Variants in GPRIN3 observed in about 807,000 individuals in gnomAD.
The protein encoded by GPRIN3 is G protein-regulated inducer of neurite outgrowth 3.
GPRIN3 carries 12 observed loss-of-function variants against 13.7 expected under a neutral mutation model. The ratio of observed to expected loss-of-function variants is 0.87; its 90% CI spans 0.56 to 1.42. The LOEUF is 1.42. GPRIN3 is among the 40% of genes most tolerant of loss of function. The pLI, the probability that GPRIN3 is intolerant of heterozygous loss-of-function variation, is 0.00. For synonymous variants in GPRIN3, 377 were observed against 372.7 expected (o/e 1.01, Z -0.13); for missense variants, 1,009 against 958.7 (o/e 1.05, Z -0.69).
intron 1 of GPRIN3, among the ~76,000 whole-genome samples, chr4:89,256,724 A>G (rs541486481): frequency 6.6e-6 from 1 of 152,358 alleles, no homozygotes; most frequent in South Asian, 2.1e-4. Flanking sequence ...GACCTCAGTG[A>G]GCACCTTTCT....
At chr4:89,292,840 C>A (rs1003553468) in intron 1 of GPRIN3, among the ~76,000 whole-genome samples, 2 of 152,124 alleles carry the variant, frequency 1.3e-5, no homozygotes, top group Non-Finnish European at 2.9e-5. Context: ...TTATATAAAC[C>A]TTCTGTAGCA....
chr4:89,255,239 C>T (rs904491905), intron 1 of GPRIN3, among the ~76,000 whole-genome samples: 4 of 152,078 alleles, frequency 2.6e-5, no homozygotes, highest in Admixed American at 2.0e-4. Context: ...AGTAACTCAA[C>T]CTCTCAGGGC....
chr4:89,305,227 C>CTCTGCTTATTTG (rs1725004200), intron 1 of GPRIN3, among the ~76,000 whole-genome samples: 1 of 152,052 alleles, frequency 6.6e-6, no homozygotes, highest in South Asian at 2.1e-4. Context: ...TTTTGGTCCC[C>CTCTGCTTATTTG]GTGCCAGGAA....
At position 89,246,447 on chromosome 4, in the gene GPRIN3, C is replaced by T. The variant is rs1490421138; in HGVS notation, c.*1333G>A. ...CCAGGCCAGTGCCTTGGAGGATACT[C>T]ATGTGTCTCGGGACACACGTCTCTT... On this transcript the variant is annotated 3_prime_UTR_variant, in exon 2 of 2. Transcript: ENST00000609438. 2.0e-5 allele frequency: 3 copies of T among 152,292 alleles called. No homozygotes were observed. In the East Asian group the frequency reaches 5.8e-4, roughly 29 times the overall value. The allele number at this position is 152,292 out of a possible 1,614,324, so 9.4% of individuals were successfully genotyped here.
intron 1 of GPRIN3, among the ~76,000 whole-genome samples, chr4:89,287,620 CTTGGGATACTCA>C (rs1339216554): frequency 7.9e-5 from 12 of 152,056 alleles, no homozygotes; most frequent in Non-Finnish European, 1.6e-4. Context: ...TGGGCTGGGG[CTTGGGATACTCA>C]TTGGGAAATT....
intron 1 of GPRIN3, among the ~76,000 whole-genome samples, chr4:89,258,949 G>A (rs1372741838): frequency 2.0e-5 from 3 of 152,192 alleles, no homozygotes; most frequent in African/African-American, 4.8e-5. Flanking sequence ...CACTTAGCAT[G>A]CTGCTTAGAA....
intron 1 of GPRIN3, among the ~76,000 whole-genome samples, chr4:89,266,926 T>G (rs1723796957): frequency 6.6e-6 from 1 of 152,248 alleles, no homozygotes; most frequent in African/African-American, 2.4e-5. Context: ...ATTTTTGATA[T>G]ATCAATTAAT....
chr4:89,294,474 C>T (rs769595203), intron 1 of GPRIN3, among the ~76,000 whole-genome samples: 4 of 152,270 alleles, frequency 2.6e-5, no homozygotes, highest in South Asian at 2.1e-4. Context: ...TGAAGCACTT[C>T]GACCTTTTTA....
chr4:89,277,237 C>T (rs1450880708), intron 1 of GPRIN3, among the ~76,000 whole-genome samples: 1 of 152,098 alleles, frequency 6.6e-6, no homozygotes, highest in Non-Finnish European at 1.5e-5. Context: ...ACCATAGTGG[C>T]CAGTATTCCC....
chr4:89,247,628 C>T lies in GPRIN3; in HGVS notation c.*152G>A. ...CATTTTTGTTTATAGAGCTCCAGGT[C>T]AAAGGATCTAACAATTTTTAATAGC... is the stretch of plus-strand genomic sequence containing the variant. On this transcript the variant is annotated 3_prime_UTR_variant, in exon 2 of 2. Transcript: ENST00000609438. 1.5e-6 allele frequency: 1 copy of T among 658,706 alleles called. No homozygotes were observed. Among genetic ancestry groups the T allele is most frequent in the Non-Finnish European group, 2.5e-6 (1 of 406,012 alleles). 40.8% of individuals were successfully genotyped at this position (658,706 alleles called of 1,614,324 possible).
chr4:89,278,413 T>C (rs1002524233), intron 1 of GPRIN3, among the ~76,000 whole-genome samples: 1 of 152,186 alleles, frequency 6.6e-6, no homozygotes, highest in African/African-American at 2.4e-5. Context: ...ATATTTAAAT[T>C]CTCCTTCTTT....
chr4:89,254,449 C>A (rs1723414405), intron 1 of GPRIN3, among the ~76,000 whole-genome samples: 1 of 152,102 alleles, frequency 6.6e-6, no homozygotes, highest in African/African-American at 2.4e-5. Context: ...GGGTTCTCAT[C>A]ATTTAGCTCC....
Position 89,245,472 on chromosome 4 carries a change from A to G in GPRIN3, c.*2308T>C, listed in dbSNP as rs940276397. 8 of 152,238 alleles carry G rather than the reference A, an allele frequency of 5.3e-5. No individual in the cohort carries two copies. The highest frequency in any genetic ancestry group is 1.7e-4 in the African/African-American group (7 of 41,458). The allele number at this position is 152,238 out of a possible 1,614,324, so 9.4% of individuals were successfully genotyped here. A position where few individuals can be genotyped will look rare whatever the true frequency, so the allele number is the denominator to read the frequency against. ...CTCTCTCAGGCCTCTGCTTCATTTAACTGTTTACAAATCATGTGGTTACTC... is the reference window on the plus strand; with the variant it reads ...CTCTCTCAGGCCTCTGCTTCATTTAGCTGTTTACAAATCATGTGGTTACTC... On this transcript the variant is annotated 3_prime_UTR_variant, in exon 2 of 2. Coordinates refer to ENST00000609438, the MANE Select transcript of GPRIN3 (RefSeq NM_198281.3).
intron 1 of GPRIN3, among the ~76,000 whole-genome samples, chr4:89,263,789 A>G (rs1723708501): frequency 6.6e-6 from 1 of 152,224 alleles, no homozygotes; most frequent in African/African-American, 2.4e-5. Flanking sequence ...TGAGGCCCAG[A>G]GAATTTCAGC....
chr4:89,277,037 T>C (rs1049301014), intron 1 of GPRIN3, among the ~76,000 whole-genome samples: 1 of 152,192 alleles, frequency 6.6e-6, no homozygotes, highest in Non-Finnish European at 1.5e-5. Flanking sequence ...CTATTTATTC[T>C]GATACACGAG....
intron 1 of GPRIN3, among the ~76,000 whole-genome samples, chr4:89,301,655 T>C (rs1330137273): frequency 6.6e-6 from 1 of 152,226 alleles, no homozygotes; most frequent in Admixed American, 6.5e-5. Context: ...ATCAAGAATC[T>C]ATTAACATAA....
chr4:89,238,809 T>C lies in GPRIN3; in HGVS notation c.*8971A>G, dbSNP rs1197754518. 2 of 152,150 alleles carry C rather than the reference T, an allele frequency of 1.3e-5. No homozygotes were observed. Among genetic ancestry groups the C allele is most frequent in the Non-Finnish European group, 2.9e-5 (2 of 68,032 alleles). The allele number at this position is 152,150 out of a possible 1,614,324, so 9.4% of individuals were successfully genotyped here. ...GCACATTCATGGTTAAAAGAACGAT[T>C]TCAATAGCAGTGGAAACAATAATAA... On this transcript the variant is annotated 3_prime_UTR_variant, in exon 2 of 2. Transcript: ENST00000609438.
At chr4:89,270,600 T>A (rs1015150280) in intron 1 of GPRIN3, among the ~76,000 whole-genome samples, 24 of 120,568 alleles carry the variant, frequency 2.0e-4, no homozygotes, top group South Asian at 8.1e-4. Flanking sequence ...TATATATATA[T>A]AAAATATAGA....
In GPRIN3 at chr4:89,236,936, T is replaced by A. The variant is rs1294112692; in HGVS notation, c.*10844A>T. ...TGGCTTTGGGCTAAAAAAACATAGA[T>A]AACAAGCAAATGCTTTGGAGCCCTT... On this transcript the variant is annotated 3_prime_UTR_variant, in exon 2 of 2. Transcript: ENST00000609438. 6.6e-6 allele frequency: 1 copy of A among 152,178 alleles called. No individual in the cohort carries two copies. The highest frequency in any genetic ancestry group is 1.5e-5 in the Non-Finnish European group (1 of 68,014). 9.4% of individuals were successfully genotyped at this position (152,178 alleles called of 1,614,324 possible).
Sources: allele counts gnomAD v4.1 joint callset (sites outside exome capture counted in the v4.1 genomes callset), GRCh38; gene constraint gnomAD v4.1.1; transcripts MANE v1.5; gene names NCBI Gene and HGNC (gene_info 2026-07-23, HGNC 2026-07-21).